FNDC3B: variants seen among roughly 807,000 people sequenced by gnomAD.
The protein encoded by FNDC3B is fibronectin type III domain-containing protein 3B.
FNDC3B carries 12 observed loss-of-function variants against 151.5 expected under a neutral mutation model. That is an observed-to-expected ratio of 0.08 (90% CI 0.05 to 0.13). The LOEUF (loss-of-function observed/expected upper bound fraction) is 0.13, where lower values mean the gene tolerates loss of function less well. Among genes scored for constraint, FNDC3B ranks in the 10% least tolerant of loss-of-function variants. The pLI, the probability that FNDC3B is intolerant of heterozygous loss-of-function variation, is 1.00. For synonymous variants in FNDC3B, 528 were observed against 549.0 expected (o/e 0.96, Z 0.54); for missense variants, 1,214 against 1,505.3 (o/e 0.81, Z 3.20).
At chr3:172,383,446 C>T (rs1010473489) in intron 25 of FNDC3B, among the ~76,000 whole-genome samples, 3 of 152,216 alleles carry the variant, frequency 2.0e-5, no homozygotes, top group African/African-American at 7.2e-5. Flanking sequence ...AGCCTACATT[C>T]TGTCTACCTT....
chr3:172,260,852 C>A (rs1728610300), intron 6 of FNDC3B, among the ~76,000 whole-genome samples: 1 of 152,114 alleles, frequency 6.6e-6, no homozygotes, highest in Non-Finnish European at 1.5e-5. Flanking sequence ...TGTGTGAGCC[C>A]ACAGAATGGG....
At chr3:172,048,579 A>G (rs1298645929) in intron 1 of FNDC3B, among the ~76,000 whole-genome samples, 1 of 152,248 alleles carries the variant, frequency 6.6e-6, no homozygotes, top group Non-Finnish European at 1.5e-5. Context: ...GAATTACTAT[A>G]TGATTCAGCA....
chr3:172,186,858 G>A (rs1724213282), intron 3 of FNDC3B: 1 of 621,864 alleles, frequency 1.6e-6, no homozygotes, highest in African/African-American at 1.9e-5. Context: ...AATGTCTGAA[G>A]TGGATTAAGT....
At chr3:172,285,687 C>T (rs1247958228) in intron 6 of FNDC3B, among the ~76,000 whole-genome samples, 1 of 152,162 alleles carries the variant, frequency 6.6e-6, no homozygotes, top group Non-Finnish European at 1.5e-5. Context: ...TGTTAATCTC[C>T]TTAACATCGC....
chr3:172,385,707 C>T (rs9837606), intron 25 of FNDC3B, among the ~76,000 whole-genome samples: 16,458 of 151,778 alleles, frequency 0.11, 1,133 homozygotes, highest in African/African-American at 0.2. Flanking sequence ...TACAGGCACC[C>T]GCCACCACAC....
At chr3:172,195,196 C>T (rs1444325056) in intron 3 of FNDC3B, among the ~76,000 whole-genome samples, 1 of 152,032 alleles carries the variant, frequency 6.6e-6, no homozygotes, top group Admixed American at 6.6e-5. Flanking sequence ...GCACCCCAAC[C>T]CCCACCCCTC....
At chr3:172,254,031 C>T (rs145486631) in intron 6 of FNDC3B, among the ~76,000 whole-genome samples, 7 of 152,262 alleles carry the variant, frequency 4.6e-5, no homozygotes, top group African/African-American at 9.6e-5. Flanking sequence ...CTGCCCACCT[C>T]GGCCTCCTTC....
In FNDC3B at chr3:172,382,443, C is replaced by G. The variant is rs539168644; in HGVS notation, c.3303+1350C>G. ...TGCCTGTTCACTCTGATGATAGTTT[C>G]TTTGCTGTGCAGAAGCTCTTTAGTT... On this transcript the variant is annotated intron_variant, in intron 25 of 25. Transcript: ENST00000415807. 2.3e-3 allele frequency among the ~76,000 whole-genome samples: 347 copies of G among 152,176 alleles called. 2 individuals carry two copies. The highest frequency in any genetic ancestry group is 7.6e-3 in the African/African-American group (316 of 41,544).
chr3:172,166,293 A>G (rs1722998362), intron 3 of FNDC3B, among the ~76,000 whole-genome samples: 1 of 152,206 alleles, frequency 6.6e-6, no homozygotes, highest in South Asian at 2.1e-4. Context: ...CTCAATCAGT[A>G]TCTGCCACAG....
chr3:172,061,147 C>T (rs888745265), intron 1 of FNDC3B, among the ~76,000 whole-genome samples: 1 of 152,084 alleles, frequency 6.6e-6, no homozygotes, highest in Non-Finnish European at 1.5e-5. Context: ...TTTGCAGAGC[C>T]CATCCTATAT....
At chr3:172,142,488 G>A (rs974415374) in intron 3 of FNDC3B, among the ~76,000 whole-genome samples, 3 of 152,174 alleles carry the variant, frequency 2.0e-5, no homozygotes, top group Non-Finnish European at 2.9e-5. Context: ...TCAGAAAAGC[G>A]AGCAGTGTCG....
At chr3:172,280,429 T>A (rs1729648733) in intron 6 of FNDC3B, among the ~76,000 whole-genome samples, 1 of 152,232 alleles carries the variant, frequency 6.6e-6, no homozygotes, top group Non-Finnish European at 1.5e-5. Flanking sequence ...AAAATGAGCA[T>A]GATCAGAAGC....
chr3:172,344,813 A>G (rs1733525176), intron 19 of FNDC3B, among the ~76,000 whole-genome samples: 1 of 152,198 alleles, frequency 6.6e-6, no homozygotes, highest in Non-Finnish European at 1.5e-5. Context: ...TGTTATATCC[A>G]TAAAGGTTGT....
chr3:172,233,312 A>G (rs767478664), intron 4 of FNDC3B, among the ~76,000 whole-genome samples: 1 of 152,250 alleles, frequency 6.6e-6, no homozygotes. Context: ...AAAAGTTAGT[A>G]GTCAAAATAA....
At chr3:172,257,773 C>T (rs145415460) in intron 6 of FNDC3B, among the ~76,000 whole-genome samples, 3 of 152,256 alleles carry the variant, frequency 2.0e-5, no homozygotes, top group African/African-American at 7.2e-5. Flanking sequence ...GCTTGTGAGA[C>T]ATGTACCCTT....
At chr3:172,380,320 A>T (rs1735371993) in intron 24 of FNDC3B, among the ~76,000 whole-genome samples, 1 of 152,072 alleles carries the variant, frequency 6.6e-6, no homozygotes, top group Non-Finnish European at 1.5e-5. Context: ...GCAGACTAAT[A>T]TAATTTAGCT....
chr3:172,371,612 A>G (rs771908215), intron 23 of FNDC3B, among the ~76,000 whole-genome samples: 37 of 152,182 alleles, frequency 2.4e-4, no homozygotes, highest in Non-Finnish European at 5.1e-4. Flanking sequence ...CCCCTTTCCA[A>G]GTAAATATTC....
At chr3:172,108,609 G>C (rs766066374) in intron 1 of FNDC3B, among the ~76,000 whole-genome samples, 2 of 152,346 alleles carry the variant, frequency 1.3e-5, no homozygotes, top group East Asian at 3.9e-4. Flanking sequence ...TGTGACTATA[G>C]AGTGATGACT....
intron 1 of FNDC3B, among the ~76,000 whole-genome samples, chr3:172,051,553 G>A (rs1001250263): frequency 6.6e-6 from 1 of 152,100 alleles, no homozygotes; most frequent in Non-Finnish European, 1.5e-5. Flanking sequence ...GGACTCAAGG[G>A]GAAAGGTTGG....
Sources: gnomAD v4.1 joint callset for allele counts (sites outside exome capture counted in the v4.1 genomes callset) on GRCh38, gnomAD v4.1.1 for gene constraint, MANE v1.5 for transcripts, NCBI Gene and HGNC (gene_info 2026-07-23, HGNC 2026-07-21) for gene names.